Variants in FADS2 observed in about 807,000 individuals in gnomAD.
FADS2 encodes acyl-CoA 6-desaturase.
Under a neutral mutation model 61.2 loss-of-function variants are expected in FADS2, and 18 were observed. The ratio of observed to expected loss-of-function variants is 0.29; its 90% CI spans 0.20 to 0.44. The LOEUF is 0.44. FADS2 is among the 20% of genes least tolerant of loss of function. The pLI is 1.00. For missense variants in FADS2, 322 were observed against 572.7 expected, an observed-to-expected ratio of 0.56 and a Z score of 4.47; for synonymous variants, 203 against 223.9, an observed-to-expected ratio of 0.91 and a Z score of 0.83.
chr11:61,822,000 C>CG (rs1280322334), intron 1 of FADS2, among the ~76,000 whole-genome samples: 1 of 150,622 alleles, frequency 6.6e-6, no homozygotes, highest in Non-Finnish European at 1.5e-5. Flanking sequence ...GACAGAGTCT[C>CG]GCTCTGTCAC....
intron 10 of FADS2, chr11:61,863,999 T>C: frequency 1.9e-6 from 1 of 539,246 alleles, no homozygotes. Context: ...GTGCCCCTCA[T>C]GCTGTGCCAC....
intron 5 of FADS2, among the ~76,000 whole-genome samples, chr11:61,851,055 T>C (rs1266935996): frequency 6.6e-6 from 1 of 152,210 alleles, no homozygotes; most frequent in East Asian, 1.9e-4. Flanking sequence ...TGCCAGGGAT[T>C]CCATTTTCTG....
chr11:61,816,999 C>CT lies in FADS2; in HGVS notation c.141+574dup. ...GGGTCTTGGGCAACTCACAGCTGGG[C>CT]TGCCAACACGCGCCCCCTCGCGGGC... On this transcript the variant is annotated intron_variant, in intron 1 of 11. Transcript: ENST00000257261. This position sits in a 1 kb window ranked among gnomAD's most constrained non-coding sequence, Gnocchi z 7.0. The CT allele has an allele frequency of 7.5e-7, 1 of 1,329,248 alleles. No homozygotes were observed. Among genetic ancestry groups the CT allele is most frequent in the Non-Finnish European group, 9.6e-7 (1 of 1,042,644 alleles). The allele number at this position is 1,329,248 out of a possible 1,614,324, so 82.3% of individuals were successfully genotyped here.
chr11:61,844,997 G>A (rs1036975444), intron 4 of FADS2, among the ~76,000 whole-genome samples: 2 of 141,782 alleles, frequency 1.4e-5, no homozygotes, highest in Non-Finnish European at 1.5e-5. Context: ...AAATGTTATC[G>A]ATGAGTTTGT....
At chr11:61,821,211 C>T (rs559367858) in intron 1 of FADS2, among the ~76,000 whole-genome samples, 5 of 152,246 alleles carry the variant, frequency 3.3e-5, no homozygotes, top group East Asian at 1.9e-4. Flanking sequence ...AGGAACAGAA[C>T]GAAATGAGCT....
chr11:61,821,334 A>C, intron 1 of FADS2: 1 of 695,500 alleles, frequency 1.4e-6, no homozygotes, highest in South Asian at 1.5e-5. Flanking sequence ...AGCCTAGACA[A>C]CATAGTGAGA....
intron 5 of FADS2, chr11:61,854,037 CT>C (rs1416579381): frequency 6.6e-6 from 1 of 152,326 alleles, no homozygotes; most frequent in Non-Finnish European, 1.5e-5. Context: ...TCCCTTGCCC[CT>C]GGCCTGCGTC....
At position 61,816,720 on chromosome 11, in the gene FADS2, C is replaced by G. The variant is rs1196024041; in HGVS notation, c.141+294C>G. ...AGGTGAAGTAGCGCGGGGTAGGTCC[C>G]TGAGCCGCGGTCTCGGCGGCCACCG... On this transcript the variant is annotated intron_variant, in intron 1 of 11. Transcript: ENST00000257261. The surrounding 1 kb of genome is among the most constrained non-coding windows in gnomAD (Gnocchi z 7.0). 6.4e-7 allele frequency: 1 copy of G among 1,568,282 alleles called. No individual in the cohort carries two copies. Among genetic ancestry groups the G allele is most frequent in the Non-Finnish European group, 8.6e-7 (1 of 1,157,402 alleles).
chr11:61,856,215 G>T (rs918936099), intron 5 of FADS2: 1 of 152,184 alleles, frequency 6.6e-6, no homozygotes, highest in Non-Finnish European at 1.5e-5. Context: ...ATCCCCTGGG[G>T]CCGTGGTTCC....
In FADS2 at chr11:61,863,020, A is replaced by C. The variant is rs551433584; in HGVS notation, c.931A>C (p.Ile311Leu). 37 of 1,614,050 alleles carry C rather than the reference A, an allele frequency of 2.3e-5. No homozygotes were observed. The highest frequency in any genetic ancestry group is 1.5e-4 in the Admixed American group (9 of 59,998). ...CTACATCCGGTTCTTCATCACCTAC[A>C]TCCCTTTCTACGGCATCCTGGGAGC... ...SYYIRFFITY[I>L]PFYGILGALL... Residue 311 changes from isoleucine to leucine, a missense_variant, in exon 8 of 12, where the codon ATC becomes CTC. Transcript: ENST00000278840.
intron 6 of FADS2, 143 bp from the exon 7 acceptor site, chr11:61,857,311 C>T: frequency 1.2e-6 from 1 of 802,144 alleles, no homozygotes; most frequent in Non-Finnish European, 2.1e-6. Context: ...CCAGCCTTCT[C>T]TGCAGGCCCC....
Position 61,853,713 on chromosome 11 carries a change from C to T in FADS2, c.745-3298C>T, listed in dbSNP as rs138559056. Among the ~76,000 whole-genome samples, 633 of 152,192 alleles carry T rather than the reference C, an allele frequency of 4.2e-3. 4 individuals are homozygous for T. Among genetic ancestry groups the T allele is most frequent in the Middle Eastern group, 0.02 (6 of 294 alleles). Reference sequence around the variant, plus strand: ...CCATCCCGCCTTGGGACACACATGCCGCCCTCTCGGGGACCTTGGACTGGG... The same window carrying T: ...CCATCCCGCCTTGGGACACACATGCTGCCCTCTCGGGGACCTTGGACTGGG... On this transcript the variant is annotated intron_variant, in intron 5 of 11. Transcript: ENST00000278840.
chr11:61,822,419 A>G (rs2067042416), intron 1 of FADS2, among the ~76,000 whole-genome samples: 1 of 152,264 alleles, frequency 6.6e-6, no homozygotes, highest in Non-Finnish European at 1.5e-5. Flanking sequence ...GAACTTATTT[A>G]TAACTTTTAG....
chr11:61,843,064 A>G (rs530105300), intron 4 of FADS2, among the ~76,000 whole-genome samples: 1 of 152,336 alleles, frequency 6.6e-6, no homozygotes, highest in East Asian at 1.9e-4. Flanking sequence ...CATTTCTTCC[A>G]AAGTGTGATC....
chr11:61,824,858 AT>A (rs2067069979), upstream of FADS2, among the ~76,000 whole-genome samples: 1 of 152,190 alleles, frequency 6.6e-6, no homozygotes, highest in Admixed American at 6.5e-5. Context: ...ATACAGCCAT[AT>A]TTTTTTGTCA....
At chr11:61,842,134 A>C (rs1449179601) in intron 4 of FADS2, among the ~76,000 whole-genome samples, 2 of 152,156 alleles carry the variant, frequency 1.3e-5, no homozygotes, top group African/African-American at 4.8e-5. Flanking sequence ...GACGAGCTAC[A>C]TGTGGGGTGT....
chr11:61,821,259 C>T (rs1180643050), intron 1 of FADS2: 2 of 597,112 alleles, frequency 3.3e-6, no homozygotes, highest in Non-Finnish European at 6.0e-6. Flanking sequence ...GTGACTCGTG[C>T]CTATAATCCC....
chr11:61,836,019 G>A (rs570003610), intron 1 of FADS2, among the ~76,000 whole-genome samples: 157 of 152,186 alleles, frequency 1.0e-3, no homozygotes, highest in African/African-American at 3.7e-3. Flanking sequence ...TTCAACTCCC[G>A]AAAAACCTGG....
chr11:61,856,849 A>G, intron 5 of FADS2, 162 bp from the exon 6 acceptor site: 2 of 663,702 alleles, frequency 3.0e-6, no homozygotes, highest in South Asian at 3.6e-5. Flanking sequence ...AGAGGGCTGG[A>G]GGGGCCCCAG....
Sources: gnomAD v4.1 joint callset for allele counts (sites outside exome capture counted in the v4.1 genomes callset) on GRCh38, gnomAD v4.1.1 for gene constraint, Gnocchi (gnomAD v3.1) non-coding constraint, MANE v1.5 for transcripts, NCBI Gene and HGNC (gene_info 2026-07-23, HGNC 2026-07-21) for gene names.